The following MCTP1 variants were observed in gnomAD, a reference collection of about 807,000 sequenced individuals.
MCTP1 encodes the protein multiple C2 and transmembrane domain containing 1.
A neutral mutation model predicts 120.6 loss-of-function variants in MCTP1; 69 were observed. That is an observed-to-expected ratio of 0.57 (90% confidence interval 0.47 to 0.70). The LOEUF is 0.70. Ranked by LOEUF, MCTP1 falls within the 30% of genes least tolerant of loss-of-function variation. The pLI is 0.00. For synonymous variants in MCTP1, 529 were observed against 493.1 expected (o/e 1.07, Z -0.96); for missense variants, 1,203 against 1,248.8 (o/e 0.96, Z 0.55).
intron 2 of MCTP1, among the ~76,000 whole-genome samples, chr5:95,000,680 A>G (rs115908013): frequency 0.012 from 1,837 of 152,348 alleles, 14 homozygotes; most frequent in Middle Eastern, 0.031. Flanking sequence ...CTGTTATGAC[A>G]AGACTCAAAA....
chr5:95,018,323 AT>A (rs1037107157), intron 1 of MCTP1, among the ~76,000 whole-genome samples: 4 of 151,630 alleles, frequency 2.6e-5, no homozygotes, highest in Non-Finnish European at 4.4e-5. Context: ...AATTCTTATA[AT>A]TTTTTTTTCT....
At chr5:95,010,759 A>G (rs980034836) in intron 2 of MCTP1, among the ~76,000 whole-genome samples, 2 of 151,976 alleles carry the variant, frequency 1.3e-5, no homozygotes, top group Non-Finnish European at 2.9e-5. Context: ...TTGTTTTTGT[A>G]TTTTTTGGCG....
chr5:94,948,670 T>A (rs1819722168), intron 3 of MCTP1, among the ~76,000 whole-genome samples: 1 of 152,144 alleles, frequency 6.6e-6, no homozygotes, highest in Non-Finnish European at 1.5e-5. Flanking sequence ...GGCTCCCTAC[T>A]TGTGCCCCAG....
At chr5:95,091,790 A>T (rs1755862354) in intron 1 of MCTP1, among the ~76,000 whole-genome samples, 2 of 152,382 alleles carry the variant, frequency 1.3e-5, no homozygotes, top group South Asian at 4.1e-4. Context: ...ATAAAATGGT[A>T]GTTTTAAGCT....
intron 7 of MCTP1, among the ~76,000 whole-genome samples, chr5:94,920,006 T>A (rs571566449): frequency 6.6e-6 from 1 of 152,378 alleles, no homozygotes; most frequent in African/African-American, 2.4e-5. Flanking sequence ...ATCCTTAAAC[T>A]TTCTTTTGTA....
intron 6 of MCTP1, among the ~76,000 whole-genome samples, chr5:94,927,677 GTGTTAA>G (rs1813510394): frequency 6.6e-6 from 1 of 152,110 alleles, no homozygotes; most frequent in Non-Finnish European, 1.5e-5. Context: ...ACTTAAAGAT[GTGTTAA>G]TCTGTTTCTC....
chr5:94,910,942 T>G (rs182427125), intron 9 of MCTP1, among the ~76,000 whole-genome samples: 14 of 152,302 alleles, frequency 9.2e-5, no homozygotes, highest in African/African-American at 2.9e-4. Context: ...TCTTTACTTA[T>G]CTGGCCTTAA....
At chr5:95,188,319 G>A (rs922923986) in intron 1 of MCTP1, among the ~76,000 whole-genome samples, 1 of 152,118 alleles carries the variant, frequency 6.6e-6, no homozygotes, top group Non-Finnish European at 1.5e-5. Flanking sequence ...AATGTAAAAC[G>A]GTACCGTTAT....
rs115230487 is a variant in MCTP1, at chr5:95,131,154, G to C, written c.721-113670C>G. Among the ~76,000 whole-genome samples, 402 of 152,210 alleles carry C rather than the reference G, an allele frequency of 2.6e-3. 2 individuals are homozygous for C. The highest frequency in any genetic ancestry group is 9.3e-3 in the African/African-American group (386 of 41,522). Reference sequence around the variant, plus strand: ...TGGTGGTAACAGAGCAACAAATAGAGTGCTTTTCCAGATCTCAATGTTGTC... The same window carrying C: ...TGGTGGTAACAGAGCAACAAATAGACTGCTTTTCCAGATCTCAATGTTGTC... On this transcript the variant is annotated intron_variant, in intron 1 of 22. Transcript: ENST00000515393.
intron 1 of MCTP1, chr5:95,081,891 G>A: frequency 2.2e-6 from 2 of 911,712 alleles, no homozygotes; most frequent in Non-Finnish European, 2.6e-6. Flanking sequence ...CAGGAAATGA[G>A]AATAACAACA....
chr5:95,044,714 T>C (rs548782792), intron 1 of MCTP1, among the ~76,000 whole-genome samples: 3 of 152,070 alleles, frequency 2.0e-5, no homozygotes, highest in Admixed American at 1.3e-4. Context: ...TTCCTCTTCC[T>C]TTCCCCCTCA....
At chr5:95,148,136 TG>T (rs1760577015) in intron 1 of MCTP1, among the ~76,000 whole-genome samples, 1 of 152,338 alleles carries the variant, frequency 6.6e-6, no homozygotes, top group Non-Finnish European at 1.5e-5. Context: ...TAAGATGTTT[TG>T]TTTTGTGTTG....
At chr5:95,026,987 T>C (rs1839381663) in intron 1 of MCTP1, among the ~76,000 whole-genome samples, 1 of 152,236 alleles carries the variant, frequency 6.6e-6, no homozygotes, top group Non-Finnish European at 1.5e-5. Context: ...GTACAGTCTA[T>C]GACACTGAAA....
intron 1 of MCTP1, among the ~76,000 whole-genome samples, chr5:95,263,765 C>G (rs1005078540): frequency 2.6e-5 from 4 of 152,290 alleles, no homozygotes; most frequent in Admixed American, 2.6e-4. Flanking sequence ...ACAGCACCAT[C>G]AGGTTGGTAT....
chr5:95,275,907 G>C (rs1464134770), intron 1 of MCTP1, among the ~76,000 whole-genome samples: 3 of 152,144 alleles, frequency 2.0e-5, no homozygotes, highest in African/African-American at 7.2e-5. Context: ...GCAGGACTAA[G>C]AAAGTGGGTG....
intron 1 of MCTP1, among the ~76,000 whole-genome samples, chr5:95,039,141 A>T (rs1299537393): frequency 6.6e-6 from 1 of 152,206 alleles, no homozygotes; most frequent in Non-Finnish European, 1.5e-5. Context: ...TTAGTATCCT[A>T]TGGTAAAAAT....
intron 1 of MCTP1, among the ~76,000 whole-genome samples, chr5:95,245,609 T>C (rs1015545199): frequency 6.8e-6 from 1 of 147,724 alleles, no homozygotes; most frequent in African/African-American, 2.5e-5. Flanking sequence ...AAATAAAGCA[T>C]GAAGACAAGA....
intron 2 of MCTP1, among the ~76,000 whole-genome samples, chr5:95,014,863 A>T (rs1317990327): frequency 6.6e-6 from 1 of 152,108 alleles, no homozygotes; most frequent in East Asian, 1.9e-4. Context: ...GAGTAAATCA[A>T]TGTGGCAAAC....
At chr5:94,934,994 T>G (rs1724728717) in intron 5 of MCTP1, among the ~76,000 whole-genome samples, 2 of 151,950 alleles carry the variant, frequency 1.3e-5, no homozygotes, top group South Asian at 4.1e-4. Flanking sequence ...CACACATATA[T>G]GCACTACACA....
Sources: gnomAD v4.1 joint callset for allele counts (sites outside exome capture counted in the v4.1 genomes callset) on GRCh38, gnomAD v4.1.1 for gene constraint, MANE v1.5 for transcripts, NCBI Gene and HGNC (gene_info 2026-07-23, HGNC 2026-07-21) for gene names.